Variants in PAIP1 observed in about 807,000 individuals in gnomAD.
PAIP1 encodes polyadenylate-binding protein-interacting protein 1.
In PAIP1, 16 loss-of-function variants were observed where a neutral mutation model predicts 61.3. That is an observed-to-expected ratio of 0.26 (90% CI 0.18 to 0.40). PAIP1 has a LOEUF of 0.40. Ranked by LOEUF, PAIP1 falls within the 10% of genes least tolerant of loss-of-function variation. The pLI is 1.00. For missense variants in PAIP1, 416 were observed against 600.9 expected, an observed-to-expected ratio of 0.69 and a Z score of 3.22; for synonymous variants, 187 against 226.2, an observed-to-expected ratio of 0.83 and a Z score of 1.56.
chr5:43,536,973 G>A, intron 5 of PAIP1, 29 bp from the exon 6 acceptor site: 1 of 1,533,366 alleles, frequency 6.5e-7, no homozygotes, highest in Non-Finnish European at 8.8e-7. Context: ...AGAACAAAAG[G>A]AATGATGCCA....
chr5:43,531,408 G>GAA (rs59840328), intron 9 of PAIP1, among the ~76,000 whole-genome samples: 1 of 126,618 alleles, frequency 7.9e-6, no homozygotes, highest in African/African-American at 2.8e-5. Flanking sequence ...AATGGTTTAA[G>GAA]AAAAAAAAAA....
intron 3 of PAIP1, among the ~76,000 whole-genome samples, chr5:43,543,545 T>C (rs769528907): frequency 7.9e-5 from 12 of 152,132 alleles, no homozygotes; most frequent in African/African-American, 2.9e-4. Flanking sequence ...CCCTGGCATT[T>C]TGCTTCATGA....
At chr5:43,532,710 A>C (rs1746988831) in intron 9 of PAIP1, among the ~76,000 whole-genome samples, 1 of 152,204 alleles carries the variant, frequency 6.6e-6, no homozygotes, top group African/African-American at 2.4e-5. Flanking sequence ...GGTAACCAAA[A>C]CCCTCAGCTA....
rs140667335 is a variant in PAIP1 at position 43,552,976 on chromosome 5, T to C, written c.435+2854A>G. 2.0e-4 allele frequency among the ~76,000 whole-genome samples: 30 copies of C among 152,294 alleles called. No individual in the cohort carries two copies. The East Asian group carries it at 5.8e-3, about 29-fold the overall frequency. ...CTGAACAGTGAGAGACAGTGAATAA[T>C]TTTACCTATTGGAGAATGATACTAC... On this transcript the variant is annotated intron_variant, in intron 2 of 10. Transcript: ENST00000306846.
At position 43,527,173 on chromosome 5, in the gene PAIP1, T is replaced by TTATATA. The variant is rs749963449; in HGVS notation, c.*197_*202dup. The TTATATA allele has an allele frequency of 5.9e-6, 2 of 341,646 alleles. No homozygotes were observed. Among genetic ancestry groups the TTATATA allele is most frequent in the Non-Finnish European group, 1.0e-5 (2 of 190,760 alleles). 21.2% of individuals were successfully genotyped at this position (341,646 alleles called of 1,614,324 possible). A position where few individuals can be genotyped will look rare whatever the true frequency, so the allele number is the denominator to read the frequency against. On this transcript the variant is annotated 3_prime_UTR_variant, in exon 11 of 11. Coordinates refer to ENST00000306846, the MANE Select transcript of PAIP1 (RefSeq NM_006451.5). ...AGAATTAACTGTACATAATAAACTA[T>TTATATA]TATATATATATACACATTTTAAGTT... is the stretch of plus-strand genomic sequence containing the variant.
Position 43,547,836 on chromosome 5 carries a change from C to T in PAIP1, c.513G>A (p.Glu171=). The T allele has an allele frequency of 1.2e-6, 2 of 1,611,512 alleles. No homozygotes were observed. Among genetic ancestry groups the T allele is most frequent in the Non-Finnish European group, 1.7e-6 (2 of 1,177,914 alleles). The change falls in exon 3 of 11, where the codon GAG becomes GAA. Residue 171 remains glutamate, a synonymous_variant. Coordinates refer to ENST00000306846, the MANE Select transcript of PAIP1 (RefSeq NM_006451.5). ...YVQDFLNHLT[E]QPGSFETEIE... is the part of the protein sequence containing the mutation. ...TTTCAGTTTCAAAACTGCCAGGCTGCTCTGTAAGATGATTCAAAAAATCCT... is the reference window on the plus strand; with the variant it reads ...TTTCAGTTTCAAAACTGCCAGGCTGTTCTGTAAGATGATTCAAAAAATCCT...
intron 2 of PAIP1, among the ~76,000 whole-genome samples, chr5:43,551,138 G>A (rs1051710986): frequency 1.3e-5 from 2 of 152,132 alleles, no homozygotes; most frequent in Non-Finnish European, 2.9e-5. Context: ...AGGAAAAACA[G>A]GATGGGGGAA....
At chr5:43,548,663 A>G (rs929695614) in intron 2 of PAIP1, among the ~76,000 whole-genome samples, 2 of 152,298 alleles carry the variant, frequency 1.3e-5, no homozygotes, top group Non-Finnish European at 2.9e-5. Flanking sequence ...TACAAAAGAT[A>G]ATAGACTTGA....
intron 10 of PAIP1, among the ~76,000 whole-genome samples, chr5:43,528,865 T>C (rs887055404): frequency 1.1e-4 from 17 of 152,176 alleles, no homozygotes; most frequent in African/African-American, 3.1e-4. Context: ...AACCTCACAA[T>C]TTCCTGGTCC....
At chr5:43,529,957 T>C in intron 9 of PAIP1, 78 bp from the exon 10 acceptor site, 1 of 743,386 alleles carries the variant, frequency 1.3e-6, no homozygotes. Flanking sequence ...AAATGTTTTT[T>C]AATATTATGA....
intron 2 of PAIP1, among the ~76,000 whole-genome samples, chr5:43,550,071 C>CTA (rs1747803017): frequency 6.6e-6 from 1 of 151,420 alleles, no homozygotes; most frequent in Non-Finnish European, 1.5e-5. Flanking sequence ...GTTGCATGTA[C>CTA]TATGAGAGGC....
At chr5:43,545,291 G>T (rs945863678) in intron 3 of PAIP1, among the ~76,000 whole-genome samples, 1 of 152,170 alleles carries the variant, frequency 6.6e-6, no homozygotes, top group Admixed American at 6.5e-5. Flanking sequence ...ATTGTTTTGA[G>T]ATCTCCTTTG....
chr5:43,527,583 C>A, intron 10 of PAIP1, 114 bp from the exon 11 acceptor site: 2 of 814,016 alleles, frequency 2.5e-6, no homozygotes, highest in Non-Finnish European at 3.6e-6. Context: ...TATAATAGAA[C>A]ACAAGCCTAA....
At chr5:43,535,682 T>C (rs1185775229) in intron 6 of PAIP1, 42 bp from the exon 7 acceptor site, 1 of 1,065,530 alleles carries the variant, frequency 9.4e-7, no homozygotes, top group Non-Finnish European at 1.4e-6. Context: ...TTCAATAGTG[T>C]ATTATAGAAA....
chr5:43,528,493 C>G (rs147537134), intron 10 of PAIP1, among the ~76,000 whole-genome samples: 2 of 152,272 alleles, frequency 1.3e-5, no homozygotes, highest in Non-Finnish European at 2.9e-5. Context: ...ACCAAATAAA[C>G]TTAAGAGGAT....
intron 3 of PAIP1, 126 bp downstream of exon 3, chr5:43,547,602 C>T (rs911083889): frequency 2.0e-5 from 13 of 635,680 alleles, no homozygotes; most frequent in Middle Eastern, 4.4e-4. Context: ...TTAGAACTCC[C>T]GGAAACTATA....
At chr5:43,536,650 T>C (rs1226017195) in intron 6 of PAIP1, among the ~76,000 whole-genome samples, 169 bp downstream of exon 6, 1 of 152,194 alleles carries the variant, frequency 6.6e-6, no homozygotes, top group Admixed American at 6.5e-5. Flanking sequence ...GCTTCATATA[T>C]TAAACAATAA....
intron 2 of PAIP1, among the ~76,000 whole-genome samples, chr5:43,550,837 C>CAAAAAAAAAAAAAAAAAAAAAAAAAAA (rs373730839): frequency 1.6e-4 from 8 of 49,560 alleles, no homozygotes; most frequent in Non-Finnish European, 2.3e-4. Flanking sequence ...AAATATACTA[C>CAAAAAAAAAAAAAAAAAAAAAAAAAAA]AAAAAAAAAA....
At chr5:43,534,261 G>T (rs781744765) in intron 8 of PAIP1, among the ~76,000 whole-genome samples, 1 of 151,876 alleles carries the variant, frequency 6.6e-6, no homozygotes, top group South Asian at 2.1e-4. Context: ...GTGCAATGGC[G>T]TGATTTCAGC....
Sources: gnomAD v4.1 joint callset for allele counts (sites outside exome capture counted in the v4.1 genomes callset) on GRCh38, gnomAD v4.1.1 for gene constraint, MANE v1.5 for transcripts, NCBI Gene and HGNC (gene_info 2026-07-23, HGNC 2026-07-21) for gene names.